Variants in NBAS observed in about 807,000 individuals in gnomAD.
NBAS encodes the protein NBAS subunit of NRZ tethering complex, also known as NAG/BC035112 fusion.
A neutral mutation model predicts 302.5 loss-of-function variants in NBAS; 219 were observed. That is an observed-to-expected ratio of 0.72 (90% CI 0.65 to 0.81). The LOEUF (loss-of-function observed/expected upper bound fraction) is 0.81. Ranked by LOEUF, NBAS falls within the 30% of genes least tolerant of loss-of-function variation. The pLI is 0.00. For missense variants in NBAS, 2,932 were observed against 2,841.6 expected, an observed-to-expected ratio of 1.03 and a Z score of -0.72; for synonymous variants, 1,118 against 1,021.6, an observed-to-expected ratio of 1.09 and a Z score of -1.80.
the NBAS span, among the ~76,000 whole-genome samples, chr2:15,142,974 T>C: frequency 6.6e-6 from 1 of 152,190 alleles, no homozygotes; most frequent in Non-Finnish European, 1.5e-5. Flanking sequence ...CAACAAGTCA[T>C]TTTGGAACAC....
chr2:14,791,180 A>G, the NBAS span, among the ~76,000 whole-genome samples: 3 of 151,366 alleles, frequency 2.0e-5, no homozygotes, highest in African/African-American at 7.3e-5. Flanking sequence ...CAGTAGAGAC[A>G]GTGTTTCTCC....
the NBAS span, among the ~76,000 whole-genome samples, chr2:14,993,306 G>C: frequency 6.6e-6 from 1 of 152,100 alleles, no homozygotes; most frequent in African/African-American, 2.4e-5. Context: ...CAATGGTCCC[G>C]TTTATTTTTT....
chr2:14,959,355 A>G, the NBAS span, among the ~76,000 whole-genome samples: 2 of 152,202 alleles, frequency 1.3e-5, no homozygotes, highest in African/African-American at 4.8e-5. Context: ...ACAATGTACC[A>G]CCAGTCTCCA....
At chr2:15,363,921 T>C (rs1200233480) in intron 32 of NBAS, among the ~76,000 whole-genome samples, 1 of 152,178 alleles carries the variant, frequency 6.6e-6, no homozygotes, top group Non-Finnish European at 1.5e-5. Flanking sequence ...CATTACAGCT[T>C]CCTCTTTGCT....
At chr2:14,933,893 A>G in the NBAS span, among the ~76,000 whole-genome samples, 1 of 152,176 alleles carries the variant, frequency 6.6e-6, no homozygotes, top group Non-Finnish European at 1.5e-5. Flanking sequence ...TCATTGGTGT[A>G]ATATGCACAT....
At chr2:15,396,151 C>T (rs904740483) in intron 27 of NBAS, among the ~76,000 whole-genome samples, 1 of 152,012 alleles carries the variant, frequency 6.6e-6, no homozygotes, top group African/African-American at 2.4e-5. Context: ...CATAAGAAAA[C>T]CCTAGGCCCA....
At chr2:15,387,840 C>A (rs962488383) in intron 28 of NBAS, among the ~76,000 whole-genome samples, 3 of 151,962 alleles carry the variant, frequency 2.0e-5, no homozygotes, top group African/African-American at 7.3e-5. Flanking sequence ...TGCCATGTTG[C>A]CTGGGCTGGT....
At chr2:15,411,854 T>C (rs1163059104) in intron 25 of NBAS, among the ~76,000 whole-genome samples, 25 of 152,112 alleles carry the variant, frequency 1.6e-4, no homozygotes, top group Admixed American at 1.6e-3. Flanking sequence ...GAGGCACAGA[T>C]ACACTCAAAG....
the NBAS span, among the ~76,000 whole-genome samples, chr2:14,903,451 C>A: frequency 2.6e-5 from 4 of 152,112 alleles, no homozygotes; most frequent in African/African-American, 7.2e-5. Flanking sequence ...TCAGAAGACA[C>A]CCCCAGGTGA....
chr2:15,302,711 G>T (rs1670859797), intron 40 of NBAS, among the ~76,000 whole-genome samples: 1 of 152,202 alleles, frequency 6.6e-6, no homozygotes, highest in Admixed American at 6.5e-5. Flanking sequence ...GCAAAGTATT[G>T]TTCCTGGGTG....
chr2:15,526,577 A>G (rs1444369717), intron 9 of NBAS, among the ~76,000 whole-genome samples: 8 of 152,180 alleles, frequency 5.3e-5, no homozygotes, highest in Admixed American at 5.2e-4. Context: ...AAAAGACCAC[A>G]TAATGGAAAA....
At chr2:14,960,045 C>T in the NBAS span, among the ~76,000 whole-genome samples, 1 of 152,118 alleles carries the variant, frequency 6.6e-6, no homozygotes, top group Admixed American at 6.5e-5. Context: ...CCTTATAGTA[C>T]TTGCTAGAAC....
At chr2:15,441,889 A>G (rs1194874706) in intron 21 of NBAS, among the ~76,000 whole-genome samples, 3 of 151,372 alleles carry the variant, frequency 2.0e-5, no homozygotes, top group Non-Finnish European at 4.4e-5. Context: ...TTAAACCAAC[A>G]AAGATCAAAA....
the NBAS span, among the ~76,000 whole-genome samples, chr2:14,810,965 T>C: frequency 6.6e-6 from 1 of 152,178 alleles, no homozygotes; most frequent in African/African-American, 2.4e-5. Context: ...ATGGAGTGCC[T>C]GATTTCAGAT....
At chr2:15,032,810 G>A in the NBAS span, among the ~76,000 whole-genome samples, 3 of 152,112 alleles carry the variant, frequency 2.0e-5, no homozygotes, top group Admixed American at 2.0e-4. Flanking sequence ...ATGAAGGAAG[G>A]TTATCATATG....
intron 19 of NBAS, among the ~76,000 whole-genome samples, chr2:15,463,141 C>T (rs945718941): frequency 6.6e-6 from 1 of 151,990 alleles, no homozygotes; most frequent in African/African-American, 2.4e-5. Context: ...GGGCATGGTG[C>T]CATGTATCTG....
chr2:15,355,270 A>T (rs1178615650), intron 33 of NBAS, among the ~76,000 whole-genome samples: 1 of 152,132 alleles, frequency 6.6e-6, no homozygotes, highest in African/African-American at 2.4e-5. Context: ...TCACATATTC[A>T]AGCATAGCCA....
chr2:15,518,976 T>A (rs1662536684), intron 9 of NBAS, among the ~76,000 whole-genome samples: 1 of 152,018 alleles, frequency 6.6e-6, no homozygotes, highest in Non-Finnish European at 1.5e-5. Context: ...CCACAACACG[T>A]GGAAATTACG....
chr2:15,102,737 T>C, the NBAS span, among the ~76,000 whole-genome samples: 4 of 152,030 alleles, frequency 2.6e-5, no homozygotes, highest in South Asian at 8.3e-4. Flanking sequence ...GCCTATGGGT[T>C]ATAATTACCT....
Sources: gnomAD v4.1 joint callset for allele counts (sites outside exome capture counted in the v4.1 genomes callset) on GRCh38, gnomAD v4.1.1 for gene constraint, MANE v1.5 for transcripts, NCBI Gene and HGNC (gene_info 2026-07-23, HGNC 2026-07-21) for gene names.